KIF24: variants seen among roughly 807,000 people sequenced by gnomAD.
KIF24 encodes kinesin-like protein KIF24.
KIF24 carries 81 observed loss-of-function variants against 118.9 expected under a neutral mutation model. That is an observed-to-expected ratio of 0.68 (90% CI 0.57 to 0.82). KIF24 has a LOEUF of 0.82. Among genes scored for constraint, KIF24 ranks in the 40% least tolerant of loss-of-function variants. The probability of loss-of-function intolerance (pLI) is 0.00; values close to 1 mark genes in which losing one functional copy is unlikely to be tolerated. For missense variants in KIF24, 1,560 were observed against 1,661.6 expected, an observed-to-expected ratio of 0.94 and a Z score of 1.06; for synonymous variants, 599 against 610.0, an observed-to-expected ratio of 0.98 and a Z score of 0.27.
Position 34,318,987 on chromosome 9 carries a change from T to A in KIF24, c.-25-7616A>T. ...AAGGTCACCAAGGACATGGAGTGCATGGATGGCGCCCTGCTTGTCAACACC... is the reference window on the plus strand; with the variant it reads ...AAGGTCACCAAGGACATGGAGTGCAAGGATGGCGCCCTGCTTGTCAACACC... On this transcript the variant is annotated intron_variant, in intron 1 of 12. Coordinates refer to ENST00000402558, the MANE Select transcript of KIF24 (RefSeq NM_194313.4). This position sits in a 1 kb window ranked among gnomAD's most constrained non-coding sequence, Gnocchi z 4.9. 7.9e-7 allele frequency: 1 copy of A among 1,263,268 alleles called. No individual in the cohort carries two copies. The highest frequency in any genetic ancestry group is 2.3e-5 in the East Asian group (1 of 43,136). The allele number at this position is 1,263,268 out of a possible 1,614,324, so 78.3% of individuals were successfully genotyped here.
At chr9:34,293,560 G>A (rs1452332640) in intron 4 of KIF24, among the ~76,000 whole-genome samples, 1 of 151,498 alleles carries the variant, frequency 6.6e-6, no homozygotes, top group Non-Finnish European at 1.5e-5. Context: ...GAATCATGAG[G>A]TCAGGAGATC....
chr9:34,270,440 C>T lies in KIF24; in HGVS notation c.1338-1078G>A, dbSNP rs1315048117. 8.7e-5 allele frequency among the ~76,000 whole-genome samples: 13 copies of T among 149,748 alleles called. No individual in the cohort carries two copies. The East Asian group carries it at 1.4e-3, about 16-fold the overall frequency. The stretch of plus-strand genomic sequence containing the variant: ...CTGAGGCAGGAAAATGGCGTGAACC[C>T]GGGAGGCGGAGCTTGCAGTGAGCCG... On this transcript the variant is annotated intron_variant, in intron 7 of 12. Transcript: ENST00000402558.
At chr9:34,308,112 G>A (rs1221787811) in intron 2 of KIF24, among the ~76,000 whole-genome samples, 1 of 151,908 alleles carries the variant, frequency 6.6e-6, no homozygotes, top group Non-Finnish European at 1.5e-5. Context: ...GGAACTACAG[G>A]TGCACACCAT....
At chr9:34,262,879 T>G in intron 9 of KIF24, among the ~76,000 whole-genome samples, 1 of 150,514 alleles carries the variant, frequency 6.6e-6, no homozygotes, top group East Asian at 2.0e-4. Flanking sequence ...CAACAAAAAG[T>G]TTTGATTTTT....
intron 6 of KIF24, among the ~76,000 whole-genome samples, chr9:34,279,317 C>T (rs1340698591): frequency 6.6e-6 from 1 of 152,176 alleles, no homozygotes; most frequent in Non-Finnish European, 1.5e-5. Context: ...ATACATGGCA[C>T]TGTAACTGGC....
Position 34,318,690 on chromosome 9 carries a change from T to C in KIF24, c.-25-7319A>G, listed in dbSNP as rs1253942260. On this transcript the variant is annotated intron_variant, in intron 1 of 12. Transcript: ENST00000402558. This position sits in a 1 kb window ranked among gnomAD's most constrained non-coding sequence, Gnocchi z 4.9. ...ACCACGGCGTCGGAGGCCAAGGCAG[T>C]GCTGAGTGCCAAGCAGCTGAGCGAC... 6.5e-6 allele frequency: 10 copies of C among 1,535,840 alleles called. No homozygotes were observed. Among genetic ancestry groups the C allele is most frequent in the Non-Finnish European group, 8.8e-6 (10 of 1,131,086 alleles).
chr9:34,281,049 G>T (rs927991272), intron 6 of KIF24, among the ~76,000 whole-genome samples: 2 of 151,996 alleles, frequency 1.3e-5, no homozygotes, highest in African/African-American at 4.8e-5. Context: ...TTTTTGAGAT[G>T]GAGTCTTGCT....
In KIF24 at chr9:34,311,225, G is replaced by T. The variant is rs1272900118; in HGVS notation, c.122C>A (p.Ser41Tyr). The change falls in exon 2 of 13, where the codon TCC (serine) becomes TAC (tyrosine). Residue 41 changes from serine to tyrosine, a missense_variant. By Grantham distance (144) the Ser-to-Tyr change is moderately radical. Around this residue, in one of 3 missense-constraint regions of KIF24, gnomAD observed 964 missense variants for 988.0 expected, o/e 0.98. Coordinates refer to ENST00000402558, the MANE Select transcript of KIF24 (RefSeq NM_194313.4). The part of the protein sequence containing the change: ...ELAKITMKDY[S>Y]KLGVHDMNDR... Reference sequence around the variant, plus strand: ...GTTCATGTCATGGACTCCTAATTTGGAGTAGTCCTTCATTGTAATCTTGGC... The same window carrying T: ...GTTCATGTCATGGACTCCTAATTTGTAGTAGTCCTTCATTGTAATCTTGGC... The T allele has an allele frequency of 1.2e-6, 2 of 1,612,958 alleles. No individual in the cohort carries two copies. Among genetic ancestry groups the T allele is most frequent in the East Asian group, 2.2e-5 (1 of 44,870 alleles).
intron 8 of KIF24, among the ~76,000 whole-genome samples, chr9:34,266,094 T>C (rs755973881): frequency 4.6e-5 from 7 of 152,142 alleles, no homozygotes; most frequent in Non-Finnish European, 1.0e-4. Context: ...GGTCTCATTA[T>C]GTTGCTCAAG....
At chr9:34,312,573 T>C (rs1369092593) in intron 1 of KIF24, among the ~76,000 whole-genome samples, 1 of 152,188 alleles carries the variant, frequency 6.6e-6, no homozygotes, top group Non-Finnish European at 1.5e-5. Context: ...GAGAAAGAGG[T>C]GAGGGCAAGG....
At chr9:34,286,440 TAGAG>T (rs1563948004) in intron 6 of KIF24, among the ~76,000 whole-genome samples, 173 bp downstream of exon 6, 1 of 152,138 alleles carries the variant, frequency 6.6e-6, no homozygotes, top group Non-Finnish European at 1.5e-5. Flanking sequence ...AGAAACCCTA[TAGAG>T]AAACAAGCTA....
chr9:34,327,140 C>T (rs1034025755), intron 1 of KIF24, among the ~76,000 whole-genome samples: 12 of 152,028 alleles, frequency 7.9e-5, no homozygotes, highest in African/African-American at 2.9e-4. Flanking sequence ...GAGACAGTAA[C>T]TTGGGAGGTA....
chr9:34,277,181 A>G lies in KIF24; in HGVS notation c.1216-5251T>C, dbSNP rs115337157. Among the ~76,000 whole-genome samples the G allele has an allele frequency of 6.9e-3, 1,048 of 152,266 alleles. 15 individuals are homozygous for G. The highest frequency in any genetic ancestry group is 0.024 in the African/African-American group (978 of 41,548). ...CCCAGTGATTATAAAATTCTGGTAT[A>G]TTTCCTTTTAGAGTTTTAGATTTCT... is the stretch of plus-strand genomic sequence containing the variant. On this transcript the variant is annotated intron_variant, in intron 6 of 12. Coordinates refer to ENST00000402558, the MANE Select transcript of KIF24 (RefSeq NM_194313.4).
chr9:34,262,690 ATATATATATATATATATATATATG>A (rs1357746895), intron 9 of KIF24, among the ~76,000 whole-genome samples: 2 of 31,206 alleles, frequency 6.4e-5, no homozygotes, highest in East Asian at 2.3e-3. Context: ...ATATATATAT[ATATATATATATATATATATATATG>A]GCCAGGCATG....
intron 5 of KIF24, among the ~76,000 whole-genome samples, chr9:34,289,347 T>C (rs1334219329): frequency 2.6e-5 from 4 of 152,172 alleles, no homozygotes; most frequent in South Asian, 2.1e-4. Flanking sequence ...AACTTGTGCA[T>C]CCTTTTGGAC....
intron 6 of KIF24, among the ~76,000 whole-genome samples, chr9:34,285,534 G>A: frequency 6.6e-6 from 1 of 151,952 alleles, no homozygotes; most frequent in Non-Finnish European, 1.5e-5. Flanking sequence ...CAGCACTTTG[G>A]GAGGCCAAGG....
At position 34,257,974 on chromosome 9, in the gene KIF24, C is replaced by G. The variant is rs765069486; in HGVS notation, c.1633G>C (p.Glu545Gln). ...CAACACTTAATGCCTTTCTTTAGTT[C>G]TTTGACCCTGTAAATAATCATTTTA... The part of the protein sequence containing the change: ...NTLRYADRVK[E>Q]LKKGIKCCTS... Residue 545 changes from glutamate (E) to glutamine (Q), a missense_variant, in exon 11 of 13, where the codon GAA becomes CAA. By Grantham distance (29) the Glu-to-Gln change is conservative. This residue lies in a region of KIF24 where 964 missense variants were observed against 988.0 expected (regional missense o/e 0.98). Transcript: ENST00000402558. The G allele has an allele frequency of 6.4e-5, 101 of 1,585,224 alleles. 1 individual carries two copies. The South Asian group carries it at 9.1e-4, about 14-fold the overall frequency.
chr9:34,304,571 T>A (rs1228523852), intron 3 of KIF24, among the ~76,000 whole-genome samples: 7 of 152,200 alleles, frequency 4.6e-5, no homozygotes, highest in Non-Finnish European at 8.8e-5. Context: ...CTAGATAGCA[T>A]TACAACTAAT....
At chr9:34,308,176 C>T (rs2131807083) in intron 2 of KIF24, among the ~76,000 whole-genome samples, 1 of 152,292 alleles carries the variant, frequency 6.6e-6, no homozygotes, top group South Asian at 2.1e-4. Context: ...CCATGTTGCC[C>T]AGGCTGGCCT....
Sources: allele counts gnomAD v4.1 joint callset (sites outside exome capture counted in the v4.1 genomes callset), GRCh38; gene constraint gnomAD v4.1.1; regional missense constraint gnomAD v4.1.1; non-coding constraint Gnocchi (gnomAD v3.1); transcripts MANE v1.5; gene names NCBI Gene and HGNC (gene_info 2026-07-23, HGNC 2026-07-21).